Variants in IL1RAPL2 observed in about 807,000 individuals in gnomAD.
The protein encoded by IL1RAPL2 is X-linked interleukin-1 receptor accessory protein-like 2.
In IL1RAPL2, 3 loss-of-function variants were observed where a neutral mutation model predicts 44.1. That is an observed-to-expected ratio of 0.07 (90% confidence interval 0.03 to 0.18). IL1RAPL2 has a LOEUF of 0.18. Ranked by LOEUF, IL1RAPL2 falls within the 10% of genes least tolerant of loss-of-function variation. The probability of loss-of-function intolerance (pLI) is 1.00; values close to 1 mark genes in which losing one functional copy is unlikely to be tolerated. For synonymous variants in IL1RAPL2, 181 were observed against 178.8 expected, an observed-to-expected ratio of 1.01 and a Z score of -0.10; for missense variants, 391 against 496.4, an observed-to-expected ratio of 0.79 and a Z score of 2.02.
At chrX:104,872,527 A>T (rs1172046332) in intron 2 of IL1RAPL2, among the ~76,000 whole-genome samples, 1 of 111,377 alleles carries the variant, frequency 9.0e-6, no homozygotes, top group Non-Finnish European at 1.9e-5. Flanking sequence ...CTTGGTAAAA[A>T]CCAAGGAGCT....
At chrX:104,997,589 A>G (rs2030771497) in intron 2 of IL1RAPL2, among the ~76,000 whole-genome samples, 2 of 111,869 alleles carry the variant, frequency 1.8e-5, no homozygotes, top group Admixed American at 1.9e-4. Flanking sequence ...GACTTTTTCA[A>G]CAGTTAGAAA....
intron 2 of IL1RAPL2, among the ~76,000 whole-genome samples, chrX:104,733,696 A>G (rs779284735): frequency 1.8e-5 from 2 of 109,341 alleles, no homozygotes; most frequent in South Asian, 3.8e-4. Context: ...GAGTTCAGCA[A>G]CATTTCTTGA....
At chrX:104,980,801 C>CT (rs1363328495) in intron 2 of IL1RAPL2, among the ~76,000 whole-genome samples, 2 of 111,283 alleles carry the variant, frequency 1.8e-5, no homozygotes, top group Non-Finnish European at 3.8e-5. Flanking sequence ...CTATTTGGAC[C>CT]TTTTTTTGTT....
chrX:104,746,988 G>A (rs939710431), intron 2 of IL1RAPL2, among the ~76,000 whole-genome samples: 1 of 111,498 alleles, frequency 9.0e-6, no homozygotes, highest in Non-Finnish European at 1.9e-5. Flanking sequence ...ATTTTATCCA[G>A]GCATGCAAAG....
At chrX:105,639,576 A>T (rs1244224457) in intron 6 of IL1RAPL2, among the ~76,000 whole-genome samples, 2 of 111,808 alleles carry the variant, frequency 1.8e-5, no homozygotes, top group Non-Finnish European at 3.8e-5. Context: ...AGAGCCTAAA[A>T]AATGATGAAC....
intron 2 of IL1RAPL2, among the ~76,000 whole-genome samples, chrX:104,951,809 T>G (rs1302752980): frequency 8.9e-6 from 1 of 112,550 alleles, no homozygotes; most frequent in African/African-American, 3.2e-5. Flanking sequence ...AATAGGAAAG[T>G]GCATGTGCCT....
chrX:104,636,382 A>T (rs905822090), intron 1 of IL1RAPL2, among the ~76,000 whole-genome samples: 6 of 112,156 alleles, frequency 5.3e-5, no homozygotes, highest in African/African-American at 1.9e-4. Context: ...CCAGACAGGG[A>T]CATTTAAGTC....
chrX:105,014,558 T>G (rs1812048030), intron 2 of IL1RAPL2, among the ~76,000 whole-genome samples: 1 of 111,726 alleles, frequency 9.0e-6, no homozygotes, highest in South Asian at 3.7e-4. Flanking sequence ...AGTGAGAACA[T>G]GCAGTGTTTG....
At chrX:104,576,556 T>C (rs1928247708) in intron 1 of IL1RAPL2, among the ~76,000 whole-genome samples, 1 of 111,652 alleles carries the variant, frequency 9.0e-6, no homozygotes, top group Non-Finnish European at 1.9e-5. Flanking sequence ...GTAATTGCAA[T>C]CTGTTGACCA....
intron 2 of IL1RAPL2, among the ~76,000 whole-genome samples, chrX:105,149,411 A>G (rs1332808415): frequency 8.9e-6 from 1 of 112,192 alleles, no homozygotes; most frequent in East Asian, 2.8e-4. Context: ...GTATATGACA[A>G]TGAATATGTT....
intron 2 of IL1RAPL2, among the ~76,000 whole-genome samples, chrX:104,844,576 C>T (rs1569325115): frequency 9.6e-6 from 1 of 104,089 alleles, no homozygotes; most frequent in Non-Finnish European, 2.0e-5. Context: ...ATATAAGACA[C>T]TAATAGGAAC....
At chrX:104,634,054 C>T (rs996268511) in intron 1 of IL1RAPL2, among the ~76,000 whole-genome samples, 28 of 111,041 alleles carry the variant, frequency 2.5e-4, no homozygotes, top group Non-Finnish European at 4.5e-4. Context: ...TCTTTGTTCT[C>T]GTTGGTTTCA....
In IL1RAPL2 at chrX:105,217,448, C is replaced by G. The variant is rs1295163486; in HGVS notation, c.357-16370C>G. ...TGGCGATCATTAAAAAGTCAGGAAA[C>G]AACAGGTGCTGGAGAGGATGTGGAG... is the stretch of plus-strand genomic sequence containing the variant. On this transcript the variant is annotated intron_variant, in intron 3 of 10. Coordinates refer to ENST00000372582, the MANE Select transcript of IL1RAPL2 (RefSeq NM_017416.2). 6.3e-5 allele frequency among the ~76,000 whole-genome samples: 7 copies of G among 111,736 alleles called. No individual in the cohort carries two copies. In the East Asian group the frequency reaches 8.5e-4, roughly 14 times the overall value.
intron 6 of IL1RAPL2, among the ~76,000 whole-genome samples, chrX:105,638,247 TA>T (rs1017534889): frequency 1.8e-5 from 2 of 111,950 alleles, no homozygotes; most frequent in Non-Finnish European, 3.8e-5. Flanking sequence ...GGAACATTTT[TA>T]AAGTTTCTTC....
intron 7 of IL1RAPL2, 35 bp from the exon 8 acceptor site, chrX:105,740,511 A>T: frequency 8.3e-7 from 1 of 1,198,211 alleles, no homozygotes; most frequent in Non-Finnish European, 1.1e-6. Flanking sequence ...CCCCAAATCA[A>T]GCCAATTCAG....
intron 7 of IL1RAPL2, among the ~76,000 whole-genome samples, chrX:105,724,023 G>A (rs2038329826): frequency 9.0e-6 from 1 of 111,084 alleles, no homozygotes; most frequent in Admixed American, 9.6e-5. Context: ...ACCAAGCAGT[G>A]AGGATGTAAA....
intron 3 of IL1RAPL2, among the ~76,000 whole-genome samples, chrX:105,197,002 T>C (rs1411414954): frequency 8.9e-6 from 1 of 111,745 alleles, no homozygotes; most frequent in Admixed American, 9.5e-5. Context: ...GAGGTCTCAT[T>C]GTTCAAAAGC....
At chrX:105,370,328 T>C (rs2035328118) in intron 5 of IL1RAPL2, among the ~76,000 whole-genome samples, 1 of 111,628 alleles carries the variant, frequency 9.0e-6, no homozygotes, top group African/African-American at 3.3e-5. Context: ...TCACCCAGGT[T>C]ATGAGCATAG....
intron 10 of IL1RAPL2, among the ~76,000 whole-genome samples, chrX:105,755,903 G>A: frequency 8.9e-6 from 1 of 111,769 alleles, no homozygotes; most frequent in East Asian, 2.8e-4. Context: ...CTATTTTTAA[G>A]TTATGCTACA....
Sources: allele counts gnomAD v4.1 joint callset (sites outside exome capture counted in the v4.1 genomes callset), GRCh38; gene constraint gnomAD v4.1.1; transcripts MANE v1.5; gene names NCBI Gene and HGNC (gene_info 2026-07-23, HGNC 2026-07-21).